The following TENM4 variants were observed in gnomAD, a reference collection of about 807,000 sequenced individuals.
TENM4 encodes teneurin transmembrane protein 4, also known as teneurin-4.
TENM4 carries 82 observed loss-of-function variants against 243.3 expected under a neutral mutation model. That is an observed-to-expected ratio of 0.34 (90% CI 0.28 to 0.40). TENM4 has a LOEUF of 0.40. Ranked by LOEUF, TENM4 falls within the 10% of genes least tolerant of loss-of-function variation. The probability of loss-of-function intolerance (pLI) is 1.00; values close to 1 mark genes in which losing one functional copy is unlikely to be tolerated. For synonymous variants in TENM4, 1,412 were observed against 1,456.3 expected, an observed-to-expected ratio of 0.97 and a Z score of 0.69; for missense variants, 3,138 against 3,673.3, an observed-to-expected ratio of 0.85 and a Z score of 3.77.
intron 1 of TENM4, among the ~76,000 whole-genome samples, chr11:79,332,552 A>G (rs1857078581): frequency 6.6e-6 from 1 of 151,842 alleles, no homozygotes; most frequent in Admixed American, 6.6e-5. Flanking sequence ...AATTGTGGCC[A>G]TGGGGTAGCA....
At chr11:79,179,502 C>A (rs1863239898) in intron 3 of TENM4, among the ~76,000 whole-genome samples, 1 of 151,966 alleles carries the variant, frequency 6.6e-6, no homozygotes, top group African/African-American at 2.4e-5. Flanking sequence ...AAACTGGAGG[C>A]CTTCAAAACA....
intron 14 of TENM4, among the ~76,000 whole-genome samples, chr11:78,807,597 C>G (rs1857415671): frequency 6.6e-6 from 1 of 152,204 alleles, no homozygotes. Flanking sequence ...TGTTCTTTCT[C>G]TACCAAAAAG....
chr11:78,702,861 A>C (rs942166725), intron 27 of TENM4, among the ~76,000 whole-genome samples: 1 of 152,228 alleles, frequency 6.6e-6, no homozygotes. Context: ...AGGGAAAGGC[A>C]GATGGAGTCT....
chr11:78,734,294 C>T (rs553883375), intron 20 of TENM4, among the ~76,000 whole-genome samples: 2 of 152,238 alleles, frequency 1.3e-5, no homozygotes, highest in South Asian at 2.1e-4. Flanking sequence ...AATAGGTGAA[C>T]CACTGGAGAG....
intron 2 of TENM4, among the ~76,000 whole-genome samples, chr11:79,272,657 G>A (rs1855988158): frequency 6.6e-6 from 1 of 151,912 alleles, no homozygotes; most frequent in South Asian, 2.1e-4. Flanking sequence ...ACACACTCTG[G>A]CCTCTTCTCA....
intron 25 of TENM4, among the ~76,000 whole-genome samples, chr11:78,716,826 G>A (rs1443890726): frequency 2.0e-5 from 3 of 152,238 alleles, no homozygotes; most frequent in Non-Finnish European, 4.4e-5. Flanking sequence ...GAACTTGAGA[G>A]TCCACATTTC....
chr11:78,847,577 T>C (rs947028115), intron 12 of TENM4, among the ~76,000 whole-genome samples: 5 of 152,216 alleles, frequency 3.3e-5, no homozygotes, highest in Non-Finnish European at 7.4e-5. Flanking sequence ...TTATACCAGA[T>C]TGCTCCAAAT....
chr11:79,139,842 T>C (rs1235469914), intron 4 of TENM4, among the ~76,000 whole-genome samples: 1 of 120,488 alleles, frequency 8.3e-6, no homozygotes, highest in Non-Finnish European at 1.6e-5. Context: ...ACATAGATTA[T>C]GTAATATATA....
At chr11:79,308,430 T>C (rs1374176626) in intron 1 of TENM4, among the ~76,000 whole-genome samples, 3 of 151,924 alleles carry the variant, frequency 2.0e-5, no homozygotes, top group African/African-American at 7.3e-5. Flanking sequence ...TAGTGATGAG[T>C]GTAAGTGATA....
At chr11:79,288,531 T>C (rs1323484996) in intron 2 of TENM4, among the ~76,000 whole-genome samples, 1 of 152,214 alleles carries the variant, frequency 6.6e-6, no homozygotes, top group Non-Finnish European at 1.5e-5. Context: ...TCTGGATTCA[T>C]GAAGAGATCA....
chr11:79,382,662 T>C (rs552179841), intron 1 of TENM4, among the ~76,000 whole-genome samples: 24 of 151,536 alleles, frequency 1.6e-4, no homozygotes, highest in African/African-American at 5.6e-4. Flanking sequence ...GGAGAAGGGA[T>C]GGAGGGTAGG....
At chr11:78,756,496 G>C (rs1856308066) in intron 19 of TENM4, 2 of 362,900 alleles carry the variant, frequency 5.5e-6, no homozygotes, top group Non-Finnish European at 1.0e-5. Context: ...CACAGGATCA[G>C]TAAGAGCTGA....
rs181027088 is a variant in TENM4 at position 78,668,670 on chromosome 11, C to G, written c.7408+267G>C. On this transcript the variant is annotated intron_variant, in intron 32 of 33. Coordinates refer to ENST00000278550, the MANE Select transcript of TENM4 (RefSeq NM_001098816.3). ...TATATTAAATAGTTCACTTTTATAGCACTTCCCAGAGCTTATCATACACTG... is the reference window on the plus strand; with the variant it reads ...TATATTAAATAGTTCACTTTTATAGGACTTCCCAGAGCTTATCATACACTG... Among the ~76,000 whole-genome samples the G allele has an allele frequency of 3.3e-3, 506 of 152,244 alleles. 3 individuals carry two copies. Among genetic ancestry groups the G allele is most frequent in the African/African-American group, 0.012 (481 of 41,534 alleles).
intron 6 of TENM4, among the ~76,000 whole-genome samples, chr11:79,015,125 A>G (rs147841598): frequency 1.3e-5 from 2 of 152,314 alleles, no homozygotes; most frequent in African/African-American, 4.8e-5. Context: ...TAATGATGCT[A>G]GTGATCACTA....
chr11:79,291,114 G>A (rs1220515212), intron 2 of TENM4, among the ~76,000 whole-genome samples: 2 of 152,090 alleles, frequency 1.3e-5, no homozygotes, highest in Non-Finnish European at 2.9e-5. Flanking sequence ...TGGTGGTGGG[G>A]GCAGATGGGC....
At chr11:78,686,527 C>G (rs899068170) in intron 29 of TENM4, among the ~76,000 whole-genome samples, 1 of 141,088 alleles carries the variant, frequency 7.1e-6, no homozygotes, top group African/African-American at 2.6e-5. Flanking sequence ...TGACTGGTGT[C>G]TGAAGTATGA....
intron 1 of TENM4, among the ~76,000 whole-genome samples, chr11:79,338,690 G>A (rs193186579): frequency 7.2e-5 from 11 of 152,344 alleles, no homozygotes; most frequent in African/African-American, 2.6e-4. Context: ...AGCCTAGGGA[G>A]ACAAGAATTC....
Position 78,781,976 on chromosome 11 carries a change from T to A in TENM4, c.2366-3348A>T, listed in dbSNP as rs188733963. ...TTGTGCTCTGATAACTTGAGGTAGA[T>A]CCCTGTACATTTTCTCTTTCTCCTT... On this transcript the variant is annotated intron_variant, in intron 16 of 33. Transcript: ENST00000278550. 6.0e-4 allele frequency among the ~76,000 whole-genome samples: 92 copies of A among 152,306 alleles called. 1 individual carries two copies. The highest frequency in any genetic ancestry group is 2.1e-3 in the African/African-American group (88 of 41,564).
At chr11:79,369,148 T>A (rs1248014372) in intron 1 of TENM4, among the ~76,000 whole-genome samples, 1 of 152,154 alleles carries the variant, frequency 6.6e-6, no homozygotes, top group Non-Finnish European at 1.5e-5. Context: ...ATTTTTTTTT[T>A]AACTGGGAAC....
Sources: allele counts gnomAD v4.1 joint callset (sites outside exome capture counted in the v4.1 genomes callset), GRCh38; gene constraint gnomAD v4.1.1; transcripts MANE v1.5; gene names NCBI Gene and HGNC (gene_info 2026-07-23, HGNC 2026-07-21).